The following GRID1 variants were observed in gnomAD, a reference collection of about 807,000 sequenced individuals.
GRID1 encodes glutamate ionotropic receptor delta type subunit 1.
GRID1 carries 28 observed loss-of-function variants against 98.0 expected under a neutral mutation model. The observed-to-expected ratio is 0.29, with a 90% confidence interval of 0.21 to 0.39. The LOEUF (loss-of-function observed/expected upper bound fraction) is 0.39, where lower values mean the gene tolerates loss of function less well. Ranked by LOEUF, GRID1 falls within the 10% of genes least tolerant of loss-of-function variation. The pLI is 1.00. For missense variants in GRID1, 1,111 were observed against 1,340.5 expected (o/e 0.83, Z 2.67); for synonymous variants, 553 against 538.5 (o/e 1.03, Z -0.37).
rs144331045 is a variant in GRID1, at chr10:85,781,108, G to A, written c.1234-51494C>T. ...ATCTCTACAGAGTTTTGGAGGGCTC[G>A]CCTGATCTCCCCAACCAGAAGGGGA... is the stretch of plus-strand genomic sequence containing the variant. On this transcript the variant is annotated intron_variant, in intron 8 of 15. Transcript: ENST00000327946. Among the ~76,000 whole-genome samples the A allele has an allele frequency of 2.4e-4, 37 of 152,276 alleles. No homozygotes were observed. The East Asian group carries it at 5.0e-3, about 21-fold the overall frequency.
At chr10:86,275,610 C>T (rs1847256888) in intron 2 of GRID1, among the ~76,000 whole-genome samples, 1 of 151,946 alleles carries the variant, frequency 6.6e-6, no homozygotes, top group Admixed American at 6.6e-5. Context: ...AACAGAAATT[C>T]TGGGGCTAAA....
intron 4 of GRID1, among the ~76,000 whole-genome samples, chr10:85,987,394 CT>C (rs1322500112): frequency 6.6e-5 from 9 of 136,590 alleles, no homozygotes; most frequent in East Asian, 2.4e-4. Context: ...TACCTTCCCC[CT>C]AGCTATATCT....
intron 4 of GRID1, among the ~76,000 whole-genome samples, chr10:86,054,568 G>T (rs886139497): frequency 6.6e-6 from 1 of 152,192 alleles, no homozygotes; most frequent in Non-Finnish European, 1.5e-5. Context: ...CCCTGCAAAG[G>T]CTCAGGCCAG....
chr10:85,899,278 G>A (rs2131814416), intron 5 of GRID1, among the ~76,000 whole-genome samples: 1 of 152,310 alleles, frequency 6.6e-6, no homozygotes, highest in East Asian at 1.9e-4. Flanking sequence ...GAATTCCTTT[G>A]TGTAGATAGA....
chr10:86,140,801 C>T (rs1845000186), intron 3 of GRID1, among the ~76,000 whole-genome samples: 1 of 152,226 alleles, frequency 6.6e-6, no homozygotes, highest in African/African-American at 2.4e-5. Context: ...CTACCATTTT[C>T]CTGGGACTCT....
chr10:85,659,406 C>T (rs1041077688), intron 12 of GRID1, among the ~76,000 whole-genome samples: 4 of 152,166 alleles, frequency 2.6e-5, no homozygotes, highest in African/African-American at 9.7e-5. Context: ...AGGAGGTGGA[C>T]TCATGTGGCT....
chr10:86,206,521 T>G lies in GRID1; in HGVS notation c.363A>C (p.Gly121=). The G allele has an allele frequency of 6.2e-7, 1 of 1,614,118 alleles. No homozygotes were observed. The highest frequency in any genetic ancestry group is 8.5e-7 in the Non-Finnish European group (1 of 1,180,032). The change falls in exon 3 of 16, where the codon GGA becomes GGC. Residue 121 remains glycine, a synonymous_variant. Transcript: ENST00000327946. The surrounding 1 kb of genome is among the most constrained non-coding windows in gnomAD (Gnocchi z 4.1). ...IPHLFVQRNP[G]GSPRTACHLN... is the part of the protein sequence containing the mutation. ...GGTGGCATGCGGTGCGTGGCGACCC[T>G]CCCGGGTTGCGCTGGACAAAGAGGT...
chr10:85,615,985 T>A (rs146427847), intron 14 of GRID1, among the ~76,000 whole-genome samples: 4 of 152,316 alleles, frequency 2.6e-5, no homozygotes, highest in African/African-American at 7.2e-5. Context: ...CTCTCATCAC[T>A]AAAGCCTGAG....
At chr10:86,249,635 G>C (rs780597690) in intron 2 of GRID1, among the ~76,000 whole-genome samples, 1 of 150,848 alleles carries the variant, frequency 6.6e-6, no homozygotes, top group Non-Finnish European at 1.5e-5. Flanking sequence ...ACAACAGGAA[G>C]ATAGCTGTTT....
intron 2 of GRID1, among the ~76,000 whole-genome samples, chr10:86,319,837 T>C (rs1274009618): frequency 1.7e-4 from 26 of 152,106 alleles, no homozygotes; most frequent in African/African-American, 6.0e-4. Context: ...TTCTACTCTA[T>C]CAAATTCCCT....
chr10:86,020,572 C>T lies in GRID1; in HGVS notation c.727-104333G>A, dbSNP rs1343735784. ...AATTTCCTGCCTATTAAAATGGAGT[C>T]AAGAGTGTGGAGGTGACTGTAGGTC... On this transcript the variant is annotated intron_variant, in intron 4 of 15. Coordinates refer to ENST00000327946, the MANE Select transcript of GRID1 (RefSeq NM_017551.3). Among the ~76,000 whole-genome samples, 3 of 152,196 alleles carry T rather than the reference C, an allele frequency of 2.0e-5. No homozygotes were observed. The East Asian group carries it at 5.8e-4, about 29-fold the overall frequency.
chr10:85,803,720 G>C, intron 8 of GRID1, among the ~76,000 whole-genome samples: 1 of 151,908 alleles, frequency 6.6e-6, no homozygotes. Context: ...TGGGTACATG[G>C]TAAGTGTATA....
At chr10:85,997,983 C>T (rs11201866) in intron 4 of GRID1, among the ~76,000 whole-genome samples, 2 of 152,046 alleles carry the variant, frequency 1.3e-5, no homozygotes, top group Admixed American at 1.3e-4. Flanking sequence ...GAAATATTAT[C>T]TAATGATAAA....
chr10:86,099,268 G>C (rs1379387644), intron 4 of GRID1, among the ~76,000 whole-genome samples: 1 of 152,182 alleles, frequency 6.6e-6, no homozygotes, highest in Non-Finnish European at 1.5e-5. Flanking sequence ...TCATAGATGA[G>C]GGGTGCTGAG....
intron 10 of GRID1, among the ~76,000 whole-genome samples, chr10:85,727,230 G>A (rs1280327261): frequency 6.6e-6 from 1 of 152,146 alleles, no homozygotes; most frequent in African/African-American, 2.4e-5. Context: ...ATGGTGGCAG[G>A]AGAAATAATG....
At chr10:85,978,283 G>A (rs1232854182) in intron 4 of GRID1, among the ~76,000 whole-genome samples, 1 of 152,010 alleles carries the variant, frequency 6.6e-6, no homozygotes, top group East Asian at 1.9e-4. Context: ...CAGGCCAAAG[G>A]ACCTAAAGCA....
intron 12 of GRID1, among the ~76,000 whole-genome samples, chr10:85,681,997 G>A (rs1564558040): frequency 6.6e-6 from 1 of 151,886 alleles, no homozygotes; most frequent in Non-Finnish European, 1.5e-5. Flanking sequence ...CTCATGTCTT[G>A]GAGTGTTCAC....
chr10:86,210,652 G>A (rs771832013), intron 2 of GRID1, among the ~76,000 whole-genome samples: 3 of 152,204 alleles, frequency 2.0e-5, no homozygotes, highest in Non-Finnish European at 4.4e-5. Flanking sequence ...CACCTGCAGC[G>A]TTGTAAGCGC....
intron 12 of GRID1, among the ~76,000 whole-genome samples, chr10:85,712,325 C>A (rs973234358): frequency 5.3e-5 from 8 of 151,710 alleles, no homozygotes; most frequent in African/African-American, 1.9e-4. Context: ...ATATTCCATG[C>A]AAGTGGTGAT....
Sources: allele counts gnomAD v4.1 joint callset (sites outside exome capture counted in the v4.1 genomes callset), GRCh38; gene constraint gnomAD v4.1.1; non-coding constraint Gnocchi (gnomAD v3.1); transcripts MANE v1.5; gene names NCBI Gene and HGNC (gene_info 2026-07-23, HGNC 2026-07-21).